Variants in LRMDA observed in about 807,000 individuals in gnomAD.
LRMDA encodes the protein leucine rich melanocyte differentiation associated.
A neutral mutation model predicts 29.8 loss-of-function variants in LRMDA; 18 were observed. That is an observed-to-expected ratio of 0.60 (90% confidence interval 0.42 to 0.90). The LOEUF (loss-of-function observed/expected upper bound fraction) is 0.90, where lower values mean the gene tolerates loss of function less well. LRMDA is among the 40% of genes least tolerant of loss of function. LRMDA has a pLI of 0.00. For missense variants in LRMDA, 273 were observed against 273.9 expected (o/e 1.00, Z 0.02); for synonymous variants, 125 against 109.4 (o/e 1.14, Z -0.89).
chr10:75,803,729 T>G (rs955367414), intron 2 of LRMDA, among the ~76,000 whole-genome samples: 3 of 152,218 alleles, frequency 2.0e-5, no homozygotes, highest in African/African-American at 7.2e-5. Context: ...TTGCATTGAT[T>G]GTGAAACATA....
chr10:75,912,177 C>G (rs749284886), intron 2 of LRMDA, among the ~76,000 whole-genome samples: 2 of 152,116 alleles, frequency 1.3e-5, no homozygotes, highest in African/African-American at 2.4e-5. Context: ...TCATTTCCCC[C>G]CCTTCCCTTT....
At chr10:76,235,267 A>G (rs1246326223) in intron 5 of LRMDA, among the ~76,000 whole-genome samples, 1 of 152,194 alleles carries the variant, frequency 6.6e-6, no homozygotes, top group Non-Finnish European at 1.5e-5. Flanking sequence ...ATCTTCTATG[A>G]GCATGATTCA....
chr10:75,581,605 C>G (rs1191826197), intron 2 of LRMDA, among the ~76,000 whole-genome samples: 1 of 150,726 alleles, frequency 6.6e-6, no homozygotes, highest in Non-Finnish European at 1.5e-5. Flanking sequence ...TACTATGCAG[C>G]CATAAAAAAA....
At chr10:75,483,662 CAAAT>C (rs967177922) in intron 2 of LRMDA, among the ~76,000 whole-genome samples, 9 of 152,082 alleles carry the variant, frequency 5.9e-5, no homozygotes, top group South Asian at 2.1e-4. Flanking sequence ...GAATGAAAAT[CAAAT>C]AAAGAGTAAA....
intron 6 of LRMDA, among the ~76,000 whole-genome samples, chr10:76,476,381 C>A (rs1842671429): frequency 6.6e-6 from 1 of 152,092 alleles, no homozygotes; most frequent in Non-Finnish European, 1.5e-5. Context: ...AGACCAAAAA[C>A]AGGCTCTGAA....
chr10:76,246,000 C>T (rs1204909494), intron 5 of LRMDA, among the ~76,000 whole-genome samples: 1 of 152,168 alleles, frequency 6.6e-6, no homozygotes, highest in Non-Finnish European at 1.5e-5. Flanking sequence ...ATGCCACATA[C>T]TAAAGACTCT....
chr10:76,422,797 C>A (rs1206645892), intron 6 of LRMDA, among the ~76,000 whole-genome samples: 1 of 152,206 alleles, frequency 6.6e-6, no homozygotes, highest in African/African-American at 2.4e-5. Flanking sequence ...CCTGGGGCAT[C>A]TACCCCTACA....
chr10:75,844,832 C>T (rs565234332), intron 2 of LRMDA, among the ~76,000 whole-genome samples: 132 of 152,152 alleles, frequency 8.7e-4, no homozygotes, highest in African/African-American at 3.1e-3. Context: ...TCATATATAT[C>T]GAATAGAAAA....
chr10:75,863,375 A>G (rs1844965120), intron 2 of LRMDA, among the ~76,000 whole-genome samples: 1 of 152,186 alleles, frequency 6.6e-6, no homozygotes, highest in Non-Finnish European at 1.5e-5. Flanking sequence ...TAGATGGTGG[A>G]GCATTCATTG....
intron 6 of LRMDA, among the ~76,000 whole-genome samples, chr10:76,494,419 T>A (rs898902523): frequency 6.6e-6 from 1 of 151,724 alleles, no homozygotes; most frequent in Non-Finnish European, 1.5e-5. Flanking sequence ...CATGAAATTG[T>A]TTACAATGTC....
chr10:76,239,936 A>G (rs997694026), intron 5 of LRMDA, among the ~76,000 whole-genome samples: 1 of 152,002 alleles, frequency 6.6e-6, no homozygotes, highest in African/African-American at 2.4e-5. Flanking sequence ...TAATGTATAT[A>G]TACATACACA....
chr10:76,504,767 G>A (rs1344564212), intron 6 of LRMDA, among the ~76,000 whole-genome samples: 1 of 152,044 alleles, frequency 6.6e-6, no homozygotes, highest in African/African-American at 2.4e-5. Flanking sequence ...GCCACTCTAT[G>A]CCTTTTAAGT....
chr10:76,270,469 T>C (rs1840053478), intron 5 of LRMDA: 1 of 152,276 alleles, frequency 6.6e-6, no homozygotes, highest in African/African-American at 2.4e-5. Context: ...TTATTAGCTG[T>C]AGAGAGAGAG....
At chr10:76,342,583 A>T (rs2132421452) in intron 6 of LRMDA, among the ~76,000 whole-genome samples, 1 of 152,044 alleles carries the variant, frequency 6.6e-6, no homozygotes, top group Non-Finnish European at 1.5e-5. Context: ...CCAAAAGTTA[A>T]TTTTTTTGAA....
chr10:75,811,839 A>C (rs754360954), intron 2 of LRMDA, among the ~76,000 whole-genome samples: 5 of 152,164 alleles, frequency 3.3e-5, no homozygotes, highest in Non-Finnish European at 7.4e-5. Context: ...TGTTGTGGAC[A>C]TGCATTTTTC....
rs575836393 is a variant in LRMDA at position 76,040,322 on chromosome 10, A to G, written c.258+4188A>G. 3.9e-5 allele frequency among the ~76,000 whole-genome samples: 6 copies of G among 152,234 alleles called. No individual in the cohort carries two copies. In the South Asian group the frequency reaches 1.2e-3, roughly 32 times the overall value. On this transcript the variant is annotated intron_variant, in intron 3 of 6. Transcript: ENST00000611255. ...CATCTGGAAAATTTCTTCTGTGTTCATCAGTCAATGCCTCCCTGCCATCTG... is the reference window on the plus strand; with the variant it reads ...CATCTGGAAAATTTCTTCTGTGTTCGTCAGTCAATGCCTCCCTGCCATCTG...
intron 4 of LRMDA, among the ~76,000 whole-genome samples, chr10:76,057,121 G>A (rs1168853007): frequency 6.6e-6 from 1 of 152,140 alleles, no homozygotes; most frequent in African/African-American, 2.4e-5. Context: ...CTTAAGGTGT[G>A]GTTCCTTGAT....
rs117245346 is a variant in LRMDA at position 75,582,973 on chromosome 10, A to G, written c.131+144479A>G. ...AAGCTCTTTGCTAAAGCATCACAAA[A>G]GCAACTGCTCCAGTTCTCAATAAGT... is the stretch of plus-strand genomic sequence containing the variant. On this transcript the variant is annotated intron_variant, in intron 2 of 6. Coordinates refer to ENST00000611255, the MANE Select transcript of LRMDA (RefSeq NM_001305581.2). Among the ~76,000 whole-genome samples the G allele has an allele frequency of 6.0e-3, 913 of 152,350 alleles. 3 individuals carry two copies. The highest frequency in any genetic ancestry group is 0.014 in the Middle Eastern group (4 of 294).
intron 4 of LRMDA, among the ~76,000 whole-genome samples, chr10:76,049,195 C>T (rs2132043616): frequency 6.6e-6 from 1 of 152,326 alleles, no homozygotes; most frequent in South Asian, 2.1e-4. Context: ...CAAGCCCATC[C>T]TCCCCACTCC....
Sources: gnomAD v4.1 joint callset for allele counts (sites outside exome capture counted in the v4.1 genomes callset) on GRCh38, gnomAD v4.1.1 for gene constraint, MANE v1.5 for transcripts, NCBI Gene and HGNC (gene_info 2026-07-23, HGNC 2026-07-21) for gene names.